RGS7: variants seen among roughly 807,000 people sequenced by gnomAD.
The protein encoded by RGS7 is regulator of G-protein signaling 7.
A neutral mutation model predicts 81.1 loss-of-function variants in RGS7; 27 were observed. That is an observed-to-expected ratio of 0.33 (90% CI 0.25 to 0.46). The LOEUF is 0.46. RGS7 is among the 20% of genes least tolerant of loss of function. RGS7 has a pLI of 1.00. For synonymous variants in RGS7, 208 were observed against 207.7 expected, an observed-to-expected ratio of 1.00 and a Z score of -0.01; for missense variants, 396 against 607.4, an observed-to-expected ratio of 0.65 and a Z score of 3.66.
chr1:240,937,791 T>C (rs1676892980), intron 4 of RGS7, among the ~76,000 whole-genome samples: 1 of 152,256 alleles, frequency 6.6e-6, no homozygotes. Flanking sequence ...GGACCATGTA[T>C]GCTGCACTAT....
intron 2 of RGS7, among the ~76,000 whole-genome samples, chr1:241,242,968 G>A (rs1341459740): frequency 6.6e-6 from 1 of 151,658 alleles, no homozygotes; most frequent in Non-Finnish European, 1.5e-5. Flanking sequence ...CTGCTGGGCA[G>A]ATTTTTTTAG....
intron 6 of RGS7, among the ~76,000 whole-genome samples, chr1:240,903,262 T>A (rs1056311159): frequency 6.6e-5 from 10 of 152,162 alleles, no homozygotes; most frequent in Admixed American, 1.3e-4. Flanking sequence ...AGAAATGTGG[T>A]ATGTCTGTGC....
chr1:240,823,003 C>A, intron 10 of RGS7: 2 of 508,274 alleles, frequency 3.9e-6, no homozygotes, highest in South Asian at 4.8e-5. Context: ...TTTTAGAAAC[C>A]TGGAAGAAAT....
intron 2 of RGS7, among the ~76,000 whole-genome samples, chr1:241,110,841 T>C (rs967724212): frequency 5.3e-5 from 8 of 151,950 alleles, no homozygotes; most frequent in Non-Finnish European, 1.0e-4. Context: ...CCCGCCATCA[T>C]GCCCAGCTAA....
intron 2 of RGS7, among the ~76,000 whole-genome samples, chr1:241,311,359 A>G (rs922902740): frequency 1.3e-5 from 2 of 152,240 alleles, no homozygotes; most frequent in East Asian, 3.8e-4. Context: ...ACGGCAGCAC[A>G]GTGTTTCACT....
intron 2 of RGS7, among the ~76,000 whole-genome samples, chr1:241,239,721 G>A (rs867169139): frequency 1.6e-4 from 24 of 152,268 alleles, no homozygotes; most frequent in African/African-American, 5.3e-4. Flanking sequence ...CAGCAAACGG[G>A]ACATGTCAGA....
At chr1:241,296,325 C>T (rs1298803401) in intron 2 of RGS7, among the ~76,000 whole-genome samples, 1 of 152,084 alleles carries the variant, frequency 6.6e-6, no homozygotes, top group Non-Finnish European at 1.5e-5. Context: ...TTCAACACTG[C>T]AGAGTAGGAA....
chr1:241,212,856 C>T (rs554903640), intron 2 of RGS7, among the ~76,000 whole-genome samples: 2 of 152,296 alleles, frequency 1.3e-5, no homozygotes, highest in East Asian at 1.9e-4. Flanking sequence ...ATAAGCCACA[C>T]CTCCTCCCAC....
At chr1:241,326,962 AAG>A (rs374037886) in intron 2 of RGS7, among the ~76,000 whole-genome samples, 103 of 124,426 alleles carry the variant, frequency 8.3e-4, no homozygotes, top group African/African-American at 1.1e-3. Context: ...GGAAGGAAGG[AAG>A]AGAGAGAGAG....
In RGS7 at chr1:241,045,116, T is replaced by A. The variant is rs574935552; in HGVS notation, c.175+53550A>T. 9.1e-3 allele frequency among the ~76,000 whole-genome samples: 1,391 copies of A among 152,288 alleles called. 16 individuals are homozygous for A. Among genetic ancestry groups the A allele is most frequent in the African/African-American group, 0.032 (1,330 of 41,562 alleles). On this transcript the variant is annotated intron_variant, in intron 3 of 18. Coordinates refer to ENST00000440928, the MANE Select transcript of RGS7 (RefSeq NM_001364886.1). ...TGAATTCACTTAAATTATCGTCTCA[T>A]CTTTGATCTCTTCATTCAGAACAGT...
intron 2 of RGS7, among the ~76,000 whole-genome samples, chr1:241,325,507 A>G (rs1269357076): frequency 1.3e-5 from 2 of 152,196 alleles, no homozygotes; most frequent in Non-Finnish European, 2.9e-5. Flanking sequence ...TCTTTCATGT[A>G]TGCCTAACAC....
chr1:241,233,896 T>C (rs1285900687), intron 2 of RGS7, among the ~76,000 whole-genome samples: 1 of 151,830 alleles, frequency 6.6e-6, no homozygotes, highest in Non-Finnish European at 1.5e-5. Context: ...TTCCCCTTTC[T>C]CCACATCCTC....
intron 4 of RGS7, among the ~76,000 whole-genome samples, chr1:240,975,295 A>T (rs1332125789): frequency 6.6e-6 from 1 of 152,192 alleles, no homozygotes; most frequent in Middle Eastern, 3.4e-3. Context: ...TCAGCTACTC[A>T]GGAGGCTGAG....
intron 2 of RGS7, among the ~76,000 whole-genome samples, chr1:241,297,980 G>C (rs1021506708): frequency 1.3e-5 from 2 of 152,042 alleles, no homozygotes; most frequent in Admixed American, 1.3e-4. Flanking sequence ...CCAGAACACA[G>C]GTGTGCATCA....
intron 6 of RGS7, among the ~76,000 whole-genome samples, chr1:240,875,374 A>G (rs991590076): frequency 6.6e-6 from 1 of 152,188 alleles, no homozygotes; most frequent in African/African-American, 2.4e-5. Flanking sequence ...TTGTATTTTT[A>G]AAGGCTGAAT....
At chr1:241,355,257 C>T (rs995302903) in intron 2 of RGS7, among the ~76,000 whole-genome samples, 10 of 152,346 alleles carry the variant, frequency 6.6e-5, no homozygotes, top group Non-Finnish European at 7.3e-5. Context: ...TACATTTACA[C>T]AGACACAGTC....
intron 14 of RGS7, among the ~76,000 whole-genome samples, chr1:240,810,445 C>CTTTT (rs5782164): frequency 4.8e-5 from 6 of 124,618 alleles, no homozygotes; most frequent in Admixed American, 8.6e-5. Flanking sequence ...TTAATGCATT[C>CTTTT]TTTTTTTTTT....
intron 2 of RGS7, among the ~76,000 whole-genome samples, chr1:241,304,964 C>CA (rs1246567335): frequency 6.6e-6 from 1 of 152,066 alleles, no homozygotes. Context: ...CTTGAGCTGT[C>CA]AAAAAAAGCT....
At chr1:241,119,799 G>GT (rs2066125085) in intron 2 of RGS7, among the ~76,000 whole-genome samples, 1 of 152,256 alleles carries the variant, frequency 6.6e-6, no homozygotes, top group African/African-American at 2.4e-5. Context: ...AATACTGTCA[G>GT]TTGTTTTCCT....
Sources: gnomAD v4.1 joint callset for allele counts (sites outside exome capture counted in the v4.1 genomes callset) on GRCh38, gnomAD v4.1.1 for gene constraint, MANE v1.5 for transcripts, NCBI Gene and HGNC (gene_info 2026-07-23, HGNC 2026-07-21) for gene names.